DCC: variants seen among roughly 807,000 people sequenced by gnomAD.
The protein encoded by DCC is DCC netrin 1 receptor, also known as netrin receptor DCC.
Under a neutral mutation model 172.5 loss-of-function variants are expected in DCC, and 58 were observed. The ratio of observed to expected loss-of-function variants is 0.34; its 90% CI spans 0.27 to 0.42. DCC has a LOEUF of 0.42. DCC is among the 10% of genes least tolerant of loss of function. The pLI is 1.00. For synonymous variants in DCC, 709 were observed against 644.5 expected (o/e 1.10, Z -1.52); for missense variants, 1,740 against 1,791.0 (o/e 0.97, Z 0.51).
chr18:52,760,813 G>A (rs2037148851), intron 2 of DCC, among the ~76,000 whole-genome samples: 2 of 152,032 alleles, frequency 1.3e-5, no homozygotes, highest in South Asian at 4.2e-4. Flanking sequence ...AGTGTGTCCT[G>A]GAAGCCAAGT....
intron 7 of DCC, among the ~76,000 whole-genome samples, chr18:53,131,741 TTC>T (rs780377518): frequency 3.3e-5 from 5 of 152,112 alleles, no homozygotes; most frequent in Non-Finnish European, 7.3e-5. Context: ...AGGGAATAGA[TTC>T]TGAGTGCCAA....
intron 1 of DCC, among the ~76,000 whole-genome samples, chr18:52,357,257 T>A (rs563555669): frequency 6.6e-6 from 1 of 152,086 alleles, no homozygotes; most frequent in Non-Finnish European, 1.5e-5. Flanking sequence ...AGGGAAATAG[T>A]TGATTCTGGA....
intron 8 of DCC, among the ~76,000 whole-genome samples, chr18:53,174,424 G>A (rs537171894): frequency 0.018 from 2,687 of 150,676 alleles, 38 homozygotes; most frequent in Middle Eastern, 0.027. Flanking sequence ...CTGATAGACC[G>A]CTAGCAAGAC....
chr18:53,041,104 T>C (rs574067238), intron 5 of DCC, among the ~76,000 whole-genome samples: 4 of 94,354 alleles, frequency 4.2e-5, no homozygotes, highest in South Asian at 6.2e-4. Context: ...CATAAAGTCT[T>C]TGCCCGTGCC....
intron 1 of DCC, 118 bp downstream of exon 1, chr18:52,340,996 G>GCTGC: frequency 1.2e-6 from 1 of 850,532 alleles, no homozygotes; most frequent in Non-Finnish European, 2.0e-6. Flanking sequence ...TGGCGCTTGC[G>GCTGC]CTGCCCCCAT....
chr18:53,397,554 AT>A (rs1909033271), intron 18 of DCC, 108 bp downstream of exon 18: 1 of 1,223,510 alleles, frequency 8.2e-7, no homozygotes, highest in Non-Finnish European at 1.2e-6. Flanking sequence ...CTTATCCTAT[AT>A]AAAATAGTTC....
At chr18:53,274,748 A>G (rs1359076819) in intron 12 of DCC, among the ~76,000 whole-genome samples, 3 of 152,100 alleles carry the variant, frequency 2.0e-5, no homozygotes, top group African/African-American at 4.8e-5. Context: ...ACTTCCTTTT[A>G]AAGCAAGCTG....
intron 12 of DCC, among the ~76,000 whole-genome samples, chr18:53,256,611 G>A (rs1161663605): frequency 1.3e-5 from 2 of 152,076 alleles, no homozygotes; most frequent in African/African-American, 2.4e-5. Context: ...TTTGGTTACT[G>A]TAGCCTTGTA....
At chr18:53,226,948 A>T (rs375137657) in intron 12 of DCC, among the ~76,000 whole-genome samples, 11 of 52,952 alleles carry the variant, frequency 2.1e-4, no homozygotes, top group African/African-American at 6.6e-4. Flanking sequence ...ATATATATAT[A>T]TTTTTTTTTT....
intron 1 of DCC, among the ~76,000 whole-genome samples, chr18:52,651,485 T>C (rs1178454690): frequency 6.6e-6 from 1 of 151,136 alleles, no homozygotes; most frequent in Non-Finnish European, 1.5e-5. Context: ...ACTTAGCCTA[T>C]GCATTTTTAA....
chr18:53,192,177 C>T (rs2144514532), intron 9 of DCC, among the ~76,000 whole-genome samples: 1 of 152,244 alleles, frequency 6.6e-6, no homozygotes, highest in African/African-American at 2.4e-5. Flanking sequence ...CTTTCCATTG[C>T]ATGCATGTAT....
intron 27 of DCC, among the ~76,000 whole-genome samples, chr18:53,517,633 T>C (rs2046352150): frequency 6.6e-6 from 1 of 151,928 alleles, no homozygotes; most frequent in African/African-American, 2.4e-5. Context: ...AGTAGCCCTT[T>C]CTTACAATGG....
chr18:52,831,668 T>C (rs2038616478), intron 2 of DCC, among the ~76,000 whole-genome samples: 1 of 152,084 alleles, frequency 6.6e-6, no homozygotes, highest in African/African-American at 2.4e-5. Context: ...TCACCCAAGA[T>C]GAGGAAGAGT....
chr18:53,195,436 T>C (rs1048907116), intron 9 of DCC, among the ~76,000 whole-genome samples: 1 of 152,204 alleles, frequency 6.6e-6, no homozygotes, highest in Admixed American at 6.5e-5. Flanking sequence ...TTGTTGATGG[T>C]GGTTATTAGG....
intron 1 of DCC, among the ~76,000 whole-genome samples, chr18:52,463,377 A>G (rs1438036902): frequency 6.6e-6 from 1 of 152,114 alleles, no homozygotes; most frequent in Non-Finnish European, 1.5e-5. Flanking sequence ...AGAGATAAAG[A>G]GTCTAGAAGG....
At chr18:52,732,442 G>T (rs77712252) in intron 1 of DCC, among the ~76,000 whole-genome samples, 2 of 152,056 alleles carry the variant, frequency 1.3e-5, no homozygotes, top group East Asian at 3.9e-4. Context: ...CTATTATTAC[G>T]TTATGTGACT....
chr18:53,449,759 C>A (rs138110661), intron 22 of DCC, among the ~76,000 whole-genome samples: 1 of 152,074 alleles, frequency 6.6e-6, no homozygotes, highest in Non-Finnish European at 1.5e-5. Flanking sequence ...ATATCTTATG[C>A]GCCATAAACT....
At chr18:52,390,950 C>G (rs762008375) in intron 1 of DCC, among the ~76,000 whole-genome samples, 1 of 152,070 alleles carries the variant, frequency 6.6e-6, no homozygotes, top group Non-Finnish European at 1.5e-5. Context: ...CCCTCCATTA[C>G]CAAAAGTCTT....
At chr18:52,935,991 A>G (rs1198813820) in intron 5 of DCC, among the ~76,000 whole-genome samples, 3 of 152,112 alleles carry the variant, frequency 2.0e-5, no homozygotes, top group African/African-American at 4.8e-5. Flanking sequence ...TGCCTTAGGT[A>G]CGTTTGTATT....
Sources: gnomAD v4.1 joint callset for allele counts (sites outside exome capture counted in the v4.1 genomes callset) on GRCh38, gnomAD v4.1.1 for gene constraint, MANE v1.5 for transcripts, NCBI Gene and HGNC (gene_info 2026-07-23, HGNC 2026-07-21) for gene names.